SYNJ2: variants seen among roughly 807,000 people sequenced by gnomAD.
The protein encoded by SYNJ2 is polyphosphatidylinositol phosphatase SYNJ2.
Under a neutral mutation model 141.3 loss-of-function variants are expected in SYNJ2, and 116 were observed. The ratio of observed to expected loss-of-function variants is 0.82; its 90% confidence interval spans 0.71 to 0.96. The LOEUF is 0.96. SYNJ2 is among the 40% of genes least tolerant of loss of function. SYNJ2 has a pLI of 0.00. For synonymous variants in SYNJ2, 745 were observed against 777.7 expected (o/e 0.96, Z 0.70); for missense variants, 1,873 against 1,934.8 (o/e 0.97, Z 0.60).
At position 158,028,768 on chromosome 6, in the gene SYNJ2, T is replaced by C; in HGVS notation, c.227T>C (p.Leu76Pro). The C allele has an allele frequency of 6.2e-7, 1 of 1,613,916 alleles. No homozygotes were observed. Among genetic ancestry groups the C allele is most frequent in the Non-Finnish European group, 8.5e-7 (1 of 1,179,784 alleles). ...ELRLKSGGTS[L>P]SFLVLVTGCT... is the part of the protein sequence containing the mutation. ...ATTTCCTTTCCAGGTGGCACGTCTC[T>C]GAGCTTCCTGGTGTTGGTGACAGGC... Residue 76 changes from leucine to proline, a missense_variant, in exon 3 of 27, where the codon CTG (leucine) becomes CCG (proline). By Grantham distance (98) the Leu-to-Pro change is moderately conservative. Coordinates refer to ENST00000355585, the MANE Select transcript of SYNJ2 (RefSeq NM_003898.4).
At chr6:158,057,094 T>C (rs1206234139) in intron 6 of SYNJ2, among the ~76,000 whole-genome samples, 1 of 152,078 alleles carries the variant, frequency 6.6e-6, no homozygotes, top group African/African-American at 2.4e-5. Flanking sequence ...GCTGTGCACA[T>C]CAGGGTGTGC....
At chr6:158,079,309 C>A (rs1239080965) in intron 18 of SYNJ2, 2 of 151,918 alleles carry the variant, frequency 1.3e-5, no homozygotes, top group African/African-American at 4.8e-5. Flanking sequence ...TGCCTAAACT[C>A]TCATGTCAGT....
chr6:158,083,866 G>A, intron 21 of SYNJ2, 135 bp from the exon 22 acceptor site: 1 of 1,093,242 alleles, frequency 9.1e-7, no homozygotes, highest in Non-Finnish European at 1.4e-6. Context: ...TACCGTCCCT[G>A]CTGGCGCCTG....
intron 12 of SYNJ2, chr6:158,068,008 AT>A: frequency 2.0e-6 from 2 of 984,602 alleles, no homozygotes; most frequent in Non-Finnish European, 2.4e-6. Flanking sequence ...TTTGCAGGGG[AT>A]TTTTTTGGGG....
rs1179339385 is a variant in SYNJ2, at chr6:158,086,872, G to A, written c.3226G>A (p.Glu1076Lys). ...TCCTCCAGATGACGCGGACCTGGTG[G>A]AGCTCAAGCGGGAGCTGGAAGCCGT... ...PTYKDDADLV[E>K]LKRELEAVGE... The change falls in exon 23 of 27, where the codon GAG becomes AAG. Residue 1076 changes from glutamate (E) to lysine (K), a missense_variant. Physicochemically the swap from Glu to Lys is moderately conservative, Grantham distance 56 (BLOSUM62 1). Coordinates refer to ENST00000355585, the MANE Select transcript of SYNJ2 (RefSeq NM_003898.4). 2 of 1,611,494 alleles carry A rather than the reference G, an allele frequency of 1.2e-6. No individual in the cohort carries two copies. Among genetic ancestry groups the A allele is most frequent in the East Asian group, 2.2e-5 (1 of 44,874 alleles).
In SYNJ2 at chr6:158,084,945, T is replaced by C. The variant is rs1012577239; in HGVS notation, c.3208+771T>C. 6.6e-6 allele frequency among the ~76,000 whole-genome samples: 1 copy of C among 151,874 alleles called. No homozygotes were observed. The highest frequency in any genetic ancestry group is 1.5e-5 in the Non-Finnish European group (1 of 68,000). ...TATACAGTCATGTCATACGGTCACATCATTGTATCATTTTAGACTTCAGAG... is the reference window on the plus strand; with the variant it reads ...TATACAGTCATGTCATACGGTCACACCATTGTATCATTTTAGACTTCAGAG... On this transcript the variant is annotated intron_variant, in intron 22 of 26. Transcript: ENST00000355585. This position sits in a 1 kb window ranked among gnomAD's most constrained non-coding sequence, Gnocchi z 5.0.
At chr6:157,987,953 T>C (rs545271803) in intron 1 of SYNJ2, among the ~76,000 whole-genome samples, 1 of 152,322 alleles carries the variant, frequency 6.6e-6, no homozygotes, top group African/African-American at 2.4e-5. Context: ...GCTGGTGAGC[T>C]CGGGAGGACA....
intron 1 of SYNJ2, among the ~76,000 whole-genome samples, chr6:158,011,921 G>T (rs184451493): frequency 1.6e-4 from 24 of 152,234 alleles, no homozygotes; most frequent in African/African-American, 4.1e-4. Context: ...TTTTGGTGTC[G>T]GAATTATTTT....
chr6:158,024,966 G>A (rs1308053477), intron 2 of SYNJ2, among the ~76,000 whole-genome samples: 4 of 152,186 alleles, frequency 2.6e-5, no homozygotes, highest in East Asian at 3.8e-4. Flanking sequence ...TTCAACTACC[G>A]ATGAAAACCT....
chr6:158,018,809 C>A (rs1778607575), intron 2 of SYNJ2, among the ~76,000 whole-genome samples: 1 of 152,212 alleles, frequency 6.6e-6, no homozygotes. Context: ...AGGTCAGAAA[C>A]TTAGTTGGGG....
chr6:158,097,000 A>C lies in SYNJ2; in HGVS notation c.*636A>C, dbSNP rs1046190992. 6.5e-6 allele frequency: 1 copy of C among 152,790 alleles called. No homozygotes were observed. The highest frequency in any genetic ancestry group is 2.4e-5 in the African/African-American group (1 of 41,454). 9.5% of individuals were successfully genotyped at this position (152,790 alleles called of 1,614,324 possible). A position where few individuals can be genotyped will look rare whatever the true frequency, so the allele number is the denominator to read the frequency against. Reference sequence around the variant, plus strand: ...AATCCCGAGGGAGCCGGTGGCATACACCGTTAGCTTAACCTTAGCTTAAAC... The same window carrying C: ...AATCCCGAGGGAGCCGGTGGCATACCCCGTTAGCTTAACCTTAGCTTAAAC... On this transcript the variant is annotated 3_prime_UTR_variant, in exon 27 of 27. Transcript: ENST00000355585.
chr6:157,996,948 T>G (rs1364002027), intron 1 of SYNJ2, among the ~76,000 whole-genome samples: 1 of 152,172 alleles, frequency 6.6e-6, no homozygotes, highest in Non-Finnish European at 1.5e-5. Context: ...CTCAGGCATT[T>G]CTTTATAGCA....
chr6:158,054,784 T>G (rs1283764456), intron 5 of SYNJ2, among the ~76,000 whole-genome samples, 183 bp from the exon 6 acceptor site: 3 of 152,154 alleles, frequency 2.0e-5, no homozygotes, highest in African/African-American at 4.8e-5. Flanking sequence ...TAGACCTGAG[T>G]TTGGAGCACT....
chr6:158,071,726 G>A lies in SYNJ2; in HGVS notation c.2065G>A (p.Gly689Arg), dbSNP rs140731520. 4.1e-5 allele frequency: 66 copies of A among 1,613,898 alleles called. No homozygotes were observed. The highest frequency in any genetic ancestry group is 8.3e-5 in the Admixed American group (5 of 60,008). Residue 689 changes from glycine to arginine, a missense_variant, in exon 15 of 27, where the codon GGG becomes AGG. Gly to Arg is a moderately radical substitution (Grantham distance 125). Transcript: ENST00000355585. The surrounding 1 kb of genome is among the most constrained non-coding windows in gnomAD (Gnocchi z 4.3). ...FCFICSHLTA[G>R]QSQVKERNED... The stretch of plus-strand genomic sequence containing the variant: ...CTTCATATGTAGTCACCTGACGGCC[G>A]GGCAGTCCCAGGTGAAGGAGCGGAA...
Position 158,062,041 on chromosome 6 carries a change from T to C in SYNJ2, c.1004T>C (p.Phe335Ser). The part of the protein sequence containing the change: ...CHAGDTPMIN[F>S]DFHQFAKGGK... ...GCGGGCGACACGCCTATGATCAATTTTGACTTCCATCAGTTTGCCAAAGGT... is the reference window on the plus strand; with the variant it reads ...GCGGGCGACACGCCTATGATCAATTCTGACTTCCATCAGTTTGCCAAAGGT... Residue 335 changes from phenylalanine to serine, a missense_variant, in exon 8 of 27, where the codon TTT (phenylalanine) becomes TCT (serine). Transcript: ENST00000355585. The C allele has an allele frequency of 1.9e-6, 3 of 1,614,204 alleles. No individual in the cohort carries two copies. Among genetic ancestry groups the C allele is most frequent in the Non-Finnish European group, 2.5e-6 (3 of 1,180,044 alleles).
chr6:158,024,142 C>T (rs777778598), intron 2 of SYNJ2, among the ~76,000 whole-genome samples: 3 of 152,032 alleles, frequency 2.0e-5, no homozygotes, highest in South Asian at 2.1e-4. Context: ...GATTATTTGT[C>T]GGCCAGGCAC....
intron 6 of SYNJ2, among the ~76,000 whole-genome samples, chr6:158,057,503 G>A (rs781620969): frequency 2.6e-5 from 4 of 152,222 alleles, no homozygotes; most frequent in Non-Finnish European, 5.9e-5. Context: ...GCCATTCTCC[G>A]CAGGAGGGGA....
chr6:157,987,112 G>C (rs78429839), intron 1 of SYNJ2, among the ~76,000 whole-genome samples: 2 of 152,072 alleles, frequency 1.3e-5, no homozygotes, highest in Non-Finnish European at 2.9e-5. Context: ...TTAGCCTTCC[G>C]AGTAGCTGGG....
At chr6:157,985,717 A>C (rs939992954) in intron 1 of SYNJ2, among the ~76,000 whole-genome samples, 2 of 152,176 alleles carry the variant, frequency 1.3e-5, no homozygotes, top group African/African-American at 4.8e-5. Flanking sequence ...GCCCCCAGGA[A>C]CGGTGGCCTG....
Sources: gnomAD v4.1 joint callset for allele counts (sites outside exome capture counted in the v4.1 genomes callset) on GRCh38, gnomAD v4.1.1 for gene constraint, Gnocchi (gnomAD v3.1) non-coding constraint, MANE v1.5 for transcripts, NCBI Gene and HGNC (gene_info 2026-07-23, HGNC 2026-07-21) for gene names.